Variants in LRP6 observed in about 807,000 individuals in gnomAD.
LRP6 encodes low-density lipoprotein receptor-related protein 6.
A neutral mutation model predicts 184.1 loss-of-function variants in LRP6; 43 were observed. The ratio of observed to expected loss-of-function variants is 0.23; its 90% CI spans 0.18 to 0.30. The LOEUF (loss-of-function observed/expected upper bound fraction) is 0.30, where lower values mean the gene tolerates loss of function less well. Among genes scored for constraint, LRP6 ranks in the 10% least tolerant of loss-of-function variants. The pLI is 1.00. For synonymous variants in LRP6, 719 were observed against 684.9 expected (o/e 1.05, Z -0.78); for missense variants, 1,571 against 2,005.3 (o/e 0.78, Z 4.14).
At chr12:12,265,238 T>C (rs1230078592) in intron 1 of LRP6, among the ~76,000 whole-genome samples, 1 of 152,148 alleles carries the variant, frequency 6.6e-6, no homozygotes, top group African/African-American at 2.4e-5. Flanking sequence ...ATGAAACCTC[T>C]CCAGTACGTA....
chr12:12,231,998 CAAAA>C (rs374411032), intron 2 of LRP6, among the ~76,000 whole-genome samples: 1 of 129,690 alleles, frequency 7.7e-6, no homozygotes, highest in African/African-American at 2.8e-5. Context: ...GACCCTGCCT[CAAAA>C]AAAAAAACAA....
At chr12:12,148,036 T>C (rs953245069) in intron 14 of LRP6, among the ~76,000 whole-genome samples, 1 of 149,856 alleles carries the variant, frequency 6.7e-6, no homozygotes, top group African/African-American at 2.4e-5. Context: ...ATATAAATCC[T>C]CTTTTATATA....
intron 2 of LRP6, among the ~76,000 whole-genome samples, chr12:12,234,342 T>G (rs1864874933): frequency 6.6e-6 from 1 of 151,734 alleles, no homozygotes; most frequent in Admixed American, 6.6e-5. Context: ...CCCAGCTACT[T>G]GAGAGGCTGA....
rs1862816275 is a variant in LRP6 at position 12,164,320 on chromosome 12, A to G, written c.2005T>C (p.Phe669Leu). 6.2e-7 allele frequency: 1 copy of G among 1,614,036 alleles called. No homozygotes were observed. Among genetic ancestry groups the G allele is most frequent in the African/African-American group, 1.3e-5 (1 of 74,924 alleles). ...TAAATTCGGTTGTCTGTCACATCAA[A>G]ATCCAAAGCAGAAGCTTCTTTGACA... ...TGVKEASALD[F>L]DVTDNRIYWT... is the part of the protein sequence containing the mutation. The change falls in exon 9 of 23, where the codon TTT (phenylalanine) becomes CTT (leucine). Residue 669 changes from phenylalanine (F) to leucine (L), a missense_variant. Coordinates refer to ENST00000261349, the MANE Select transcript of LRP6 (RefSeq NM_002336.3).
chr12:12,198,184 T>G (rs1667042085), intron 3 of LRP6, among the ~76,000 whole-genome samples: 1 of 152,188 alleles, frequency 6.6e-6, no homozygotes, highest in Non-Finnish European at 1.5e-5. Context: ...CCCAAAGTAC[T>G]GGGATTATAG....
intron 12 of LRP6, chr12:12,155,450 G>A: frequency 2.1e-6 from 2 of 956,374 alleles, no homozygotes; most frequent in Non-Finnish European, 3.4e-6. Context: ...AACTGGAAGG[G>A]TCTACAATGT....
intron 2 of LRP6, among the ~76,000 whole-genome samples, chr12:12,205,025 A>G (rs915505578): frequency 1.3e-5 from 2 of 151,858 alleles, no homozygotes; most frequent in Non-Finnish European, 2.9e-5. Flanking sequence ...TCTTAAAAGC[A>G]TATTTTCAAA....
chr12:12,183,977 T>C lies in LRP6; in HGVS notation c.976+3A>G, dbSNP rs757051501. ...TTTTTCATTTTGGATAATATCTTCT[T>C]ACCATCTTTGCAGGTTTTTCCATTC... On this transcript the variant is annotated splice_donor_region_variant and intron_variant, in intron 5 of 22. Coordinates refer to ENST00000261349, the MANE Select transcript of LRP6 (RefSeq NM_002336.3). The C allele has an allele frequency of 5.0e-6, 8 of 1,612,804 alleles. No individual in the cohort carries two copies. The East Asian group carries it at 1.8e-4, about 36-fold the overall frequency.
chr12:12,135,122 A>G (rs1298222289), intron 17 of LRP6, 53 bp downstream of exon 17: 6 of 1,612,124 alleles, frequency 3.7e-6, no homozygotes, highest in Non-Finnish European at 5.1e-6. Flanking sequence ...TAGGCTTAAG[A>G]TATGGAATAT....
chr12:12,247,350 C>T (rs1365354976), intron 1 of LRP6, among the ~76,000 whole-genome samples: 1 of 152,154 alleles, frequency 6.6e-6, no homozygotes, highest in Non-Finnish European at 1.5e-5. Context: ...AGGTGGCAGC[C>T]AAATGTCTTT....
Position 12,125,288 on chromosome 12 carries a change from C to T in LRP6, c.4449+8G>A, listed in dbSNP as rs1419682888. 1.2e-6 allele frequency: 2 copies of T among 1,613,856 alleles called. No homozygotes were observed. The highest frequency in any genetic ancestry group is 1.7e-6 in the Non-Finnish European group (2 of 1,179,930). ...TATGTCGCATTCAAAGGAAAACAGA[C>T]TACTTACTGCAGGGAAGTAAGTGCC... On this transcript the variant is annotated splice_region_variant and intron_variant, in intron 21 of 22. Coordinates refer to ENST00000261349, the MANE Select transcript of LRP6 (RefSeq NM_002336.3).
At chr12:12,194,857 T>G (rs574869869) in intron 3 of LRP6, among the ~76,000 whole-genome samples, 1 of 152,196 alleles carries the variant, frequency 6.6e-6, no homozygotes, top group East Asian at 1.9e-4. Context: ...AAATCTCTTC[T>G]TATCTCTTCC....
At chr12:12,127,005 G>GCTTCACATCCTATTAGCAA in intron 19 of LRP6, 84 bp from the exon 20 acceptor site, 1 of 1,133,676 alleles carries the variant, frequency 8.8e-7, no homozygotes, top group Non-Finnish European at 1.3e-6. Context: ...CTTGCTAATA[G>GCTTCACATCCTATTAGCAA]GATGTGAAGC....
At chr12:12,190,556 T>G (rs573545675) in intron 3 of LRP6, among the ~76,000 whole-genome samples, 14 of 152,206 alleles carry the variant, frequency 9.2e-5, no homozygotes, top group African/African-American at 3.4e-4. Context: ...TGCTAGCTCT[T>G]TGAGATTCTT....
chr12:12,165,729 G>A (rs896739130), intron 7 of LRP6, among the ~76,000 whole-genome samples: 4 of 152,002 alleles, frequency 2.6e-5, no homozygotes, highest in African/African-American at 9.7e-5. Context: ...ATTCATGTAA[G>A]GTCACAGAGC....
rs1268153271 is a variant in LRP6, at chr12:12,116,864, C to T, written c.*4262G>A. On this transcript the variant is annotated 3_prime_UTR_variant, in exon 23 of 23. Transcript: ENST00000261349. Reference sequence around the variant, plus strand: ...GAGTCAGTAACTGATTAACCTAAGACTCCACCTTCCACTCCACTCAGGTAC... The same window carrying T: ...GAGTCAGTAACTGATTAACCTAAGATTCCACCTTCCACTCCACTCAGGTAC... The T allele has an allele frequency of 6.6e-6, 1 of 152,104 alleles. No individual in the cohort carries two copies. Among genetic ancestry groups the T allele is most frequent in the African/African-American group, 2.4e-5 (1 of 41,382 alleles). The allele number at this position is 152,104 out of a possible 1,614,324, so 9.4% of individuals were successfully genotyped here. A position where few individuals can be genotyped will look rare whatever the true frequency, so the allele number is the denominator to read the frequency against.
intron 20 of LRP6, 44 bp from the exon 21 acceptor site, chr12:12,125,476 T>C: frequency 6.4e-7 from 1 of 1,553,580 alleles, no homozygotes; most frequent in Admixed American, 1.7e-5. Context: ...GTATGATATA[T>C]AAAAATGTAT....
chr12:12,158,332 C>T (rs1485509511), intron 12 of LRP6, among the ~76,000 whole-genome samples: 2 of 151,862 alleles, frequency 1.3e-5, no homozygotes. Flanking sequence ...CTTAATTTTT[C>T]CTTTTTTTTT....
chr12:12,249,279 T>G (rs969645930), intron 1 of LRP6: 2 of 1,052,032 alleles, frequency 1.9e-6, no homozygotes, highest in African/African-American at 1.6e-5. Flanking sequence ...ATAGTTCTAA[T>G]GGATTGGTGG....
Sources: allele counts gnomAD v4.1 joint callset (sites outside exome capture counted in the v4.1 genomes callset), GRCh38; gene constraint gnomAD v4.1.1; transcripts MANE v1.5; gene names NCBI Gene and HGNC (gene_info 2026-07-23, HGNC 2026-07-21).